CNTNAP5: variants seen among roughly 807,000 people sequenced by gnomAD.
CNTNAP5 encodes the protein contactin associated protein family member 5, also known as contactin-associated protein-like 5.
In CNTNAP5, 72 loss-of-function variants were observed where a neutral mutation model predicts 150.2. That is an observed-to-expected ratio of 0.48 (90% CI 0.40 to 0.58). The LOEUF (loss-of-function observed/expected upper bound fraction) is 0.58. Among genes scored for constraint, CNTNAP5 ranks in the 20% least tolerant of loss-of-function variants. The pLI is 0.00. For synonymous variants in CNTNAP5, 672 were observed against 619.8 expected, an observed-to-expected ratio of 1.08 and a Z score of -1.25; for missense variants, 1,636 against 1,626.2, an observed-to-expected ratio of 1.01 and a Z score of -0.10.
At chr2:124,806,968 G>T (rs911416947) in intron 19 of CNTNAP5, among the ~76,000 whole-genome samples, 3 of 149,544 alleles carry the variant, frequency 2.0e-5, no homozygotes, top group African/African-American at 7.4e-5. Flanking sequence ...TGAATGTTTA[G>T]CTTTTGGACT....
intron 1 of CNTNAP5, among the ~76,000 whole-genome samples, chr2:124,117,576 T>A (rs1683457933): frequency 6.6e-6 from 1 of 152,192 alleles, no homozygotes; most frequent in Non-Finnish European, 1.5e-5. Context: ...ATGAAATATA[T>A]TAATTTAATG....
rs1343723491 is a variant in CNTNAP5 at position 124,285,492 on chromosome 2, G to A, written c.381+43099G>A. 2.0e-5 allele frequency among the ~76,000 whole-genome samples: 3 copies of A among 152,104 alleles called. No homozygotes were observed. In the East Asian group the frequency reaches 5.8e-4, roughly 29 times the overall value. ...AGTTTTAGACTTTCTGTCTTTCTAC[G>A]TGCTCATAAAGAAAACCCTGGATGT... On this transcript the variant is annotated intron_variant, in intron 3 of 23. Transcript: ENST00000682447.
chr2:124,048,975 C>T (rs75875555), intron 1 of CNTNAP5, among the ~76,000 whole-genome samples: 10 of 152,180 alleles, frequency 6.6e-5, no homozygotes, highest in African/African-American at 2.4e-4. Flanking sequence ...TGGCAATTTT[C>T]TCCAATGCTT....
At position 124,527,365 on chromosome 2, in the gene CNTNAP5, G is replaced by C; in HGVS notation, c.1558G>C (p.Asp520His). 1 of 1,613,538 alleles carries C rather than the reference G, an allele frequency of 6.2e-7. No individual in the cohort carries two copies. The highest frequency in any genetic ancestry group is 1.1e-5 in the South Asian group (1 of 91,076). Residue 520 changes from aspartate (D) to histidine (H), a missense_variant, in exon 10 of 24, where the codon GAT becomes CAT. Physicochemically the swap from Asp to His is moderately conservative, Grantham distance 81. Coordinates refer to ENST00000682447, the MANE Select transcript of CNTNAP5 (RefSeq NM_001367498.1). ...AGGCTGCATGAGGCTCATCTTTATT[G>C]ATAACCAGCCCAAGGACCTCATTTC... is the stretch of plus-strand genomic sequence containing the variant. Reference protein sequence around the residue: ...FQGCMRLIFIDNQPKDLISVQ... With the variant: ...FQGCMRLIFIHNQPKDLISVQ...
intron 14 of CNTNAP5, among the ~76,000 whole-genome samples, chr2:124,749,448 G>A (rs548161377): frequency 2.0e-5 from 3 of 149,114 alleles, no homozygotes; most frequent in South Asian, 4.3e-4. Flanking sequence ...TTCCTTAGAC[G>A]GAGTCTTGCT....
chr2:124,543,345 C>A (rs1695434636), intron 10 of CNTNAP5, among the ~76,000 whole-genome samples: 1 of 152,032 alleles, frequency 6.6e-6, no homozygotes, highest in Admixed American at 6.6e-5. Context: ...TAATAGAAGG[C>A]AGCTCCAGAG....
In CNTNAP5 at chr2:124,434,839, T is replaced by C. The variant is rs369250233; in HGVS notation, c.733+152T>C. On this transcript the variant is annotated intron_variant, in intron 5 of 23. Transcript: ENST00000682447. ...GGGATAGAAATGTTTAAGGCATGTA[T>C]AGCATTCTTTGACACCATATAATAT... Among the ~76,000 whole-genome samples, 5 of 152,348 alleles carry C rather than the reference T, an allele frequency of 3.3e-5. No homozygotes were observed. In the East Asian group the frequency reaches 5.8e-4, roughly 18 times the overall value.
chr2:124,172,691 G>A (rs1224389350), intron 1 of CNTNAP5, among the ~76,000 whole-genome samples: 2 of 152,072 alleles, frequency 1.3e-5, no homozygotes, highest in African/African-American at 4.8e-5. Flanking sequence ...CGGGATTACA[G>A]GTGTGAGCCA....
chr2:124,856,614 T>A (rs900276264), intron 19 of CNTNAP5, among the ~76,000 whole-genome samples: 5 of 152,166 alleles, frequency 3.3e-5, no homozygotes, highest in African/African-American at 1.2e-4. Flanking sequence ...TTATTTGGAC[T>A]TTTAGACCCT....
intron 3 of CNTNAP5, among the ~76,000 whole-genome samples, chr2:124,313,828 T>G (rs1308241986): frequency 6.6e-6 from 1 of 152,138 alleles, no homozygotes; most frequent in Non-Finnish European, 1.5e-5. Flanking sequence ...ACCAGAAACC[T>G]TTAATCCAGA....
intron 3 of CNTNAP5, among the ~76,000 whole-genome samples, chr2:124,324,818 G>A (rs1389118584): frequency 6.6e-6 from 1 of 152,148 alleles, no homozygotes; most frequent in Non-Finnish European, 1.5e-5. Flanking sequence ...CAATGGAAAA[G>A]GGGCATTTTA....
intron 3 of CNTNAP5, among the ~76,000 whole-genome samples, chr2:124,257,861 A>C (rs1303852106): frequency 2.0e-5 from 3 of 152,144 alleles, no homozygotes; most frequent in African/African-American, 4.8e-5. Flanking sequence ...GTAAACATTC[A>C]ATAGTAACTT....
chr2:124,863,158 A>G (rs752564650), intron 19 of CNTNAP5, among the ~76,000 whole-genome samples: 1 of 152,232 alleles, frequency 6.6e-6, no homozygotes, highest in Non-Finnish European at 1.5e-5. Context: ...AAGAGAGTTC[A>G]ACAGCCTTAA....
chr2:124,072,743 T>A (rs977148029), intron 1 of CNTNAP5, among the ~76,000 whole-genome samples: 9 of 152,022 alleles, frequency 5.9e-5, no homozygotes, highest in African/African-American at 2.4e-5. Context: ...TCCATATTCA[T>A]GCATCAGGTG....
At chr2:124,556,837 G>A (rs1026167891) in intron 10 of CNTNAP5, among the ~76,000 whole-genome samples, 1 of 152,086 alleles carries the variant, frequency 6.6e-6, no homozygotes, top group Non-Finnish European at 1.5e-5. Context: ...GCAGGTGGTG[G>A]GGGCAGGGTG....
At position 124,446,772 on chromosome 2, in the gene CNTNAP5, C is replaced by T. The variant is rs749901176; in HGVS notation, c.753C>T (p.Leu251=). 66 of 1,613,588 alleles carry T rather than the reference C, an allele frequency of 4.1e-5. No individual in the cohort carries two copies. The highest frequency in any genetic ancestry group is 8.5e-7 in the Non-Finnish European group (1 of 1,179,734). Residue 251 remains leucine (L), a synonymous_variant, in exon 6 of 24, where the codon CTC becomes CTT. Coordinates refer to ENST00000682447, the MANE Select transcript of CNTNAP5 (RefSeq NM_001367498.1). The part of the protein sequence containing the change: ...HLNLGDSKAR[L]SSSLPSATLG... ...TCACAGGTGACAGCAAAGCGCGGCT[C>T]AGCAGCAGCTTGCCCTCTGCCACCC...
At chr2:124,289,548 A>T (rs1012270879) in intron 3 of CNTNAP5, among the ~76,000 whole-genome samples, 4 of 152,248 alleles carry the variant, frequency 2.6e-5, no homozygotes, top group Admixed American at 6.5e-5. Context: ...TTGTTTCAGC[A>T]TTAGAAGAAA....
chr2:124,726,739 T>G (rs1000814144), intron 13 of CNTNAP5, among the ~76,000 whole-genome samples: 1 of 151,982 alleles, frequency 6.6e-6, no homozygotes, highest in Non-Finnish European at 1.5e-5. Flanking sequence ...TAACCCCTTA[T>G]CAGATGTATA....
chr2:124,443,264 T>A (rs1291434793), intron 5 of CNTNAP5, among the ~76,000 whole-genome samples: 1 of 148,972 alleles, frequency 6.7e-6, no homozygotes, highest in Non-Finnish European at 1.5e-5. Context: ...TAATTATGTA[T>A]CATATGTATA....
Sources: gnomAD v4.1 joint callset for allele counts (sites outside exome capture counted in the v4.1 genomes callset) on GRCh38, gnomAD v4.1.1 for gene constraint, MANE v1.5 for transcripts, NCBI Gene and HGNC (gene_info 2026-07-23, HGNC 2026-07-21) for gene names.